The following ZMYND15 variants were observed in gnomAD, a reference collection of about 807,000 sequenced individuals.
ZMYND15 encodes the protein zinc finger MYND domain-containing protein 15.
Under a neutral mutation model 81.7 loss-of-function variants are expected in ZMYND15, and 54 were observed. The observed-to-expected ratio is 0.66, with a 90% confidence interval of 0.53 to 0.83. The LOEUF (loss-of-function observed/expected upper bound fraction) is 0.83, where lower values mean the gene tolerates loss of function less well. Ranked by LOEUF, ZMYND15 falls within the 40% of genes least tolerant of loss-of-function variation. The probability of loss-of-function intolerance (pLI) is 0.00; values close to 1 mark genes in which losing one functional copy is unlikely to be tolerated. For synonymous variants in ZMYND15, 399 were observed against 387.0 expected (o/e 1.03, Z -0.36); for missense variants, 925 against 973.5 (o/e 0.95, Z 0.66).
At chr17:4,740,330 G>T (rs1461868739) in intron 1 of ZMYND15, 189 bp from the exon 2 acceptor site, 5 of 1,072,380 alleles carry the variant, frequency 4.7e-6, no homozygotes, top group Admixed American at 7.3e-5. Flanking sequence ...CCACTTTCAA[G>T]TCCAGCCCCC....
At position 4,740,563 on chromosome 17, in the gene ZMYND15, T is replaced by C; in HGVS notation, c.15T>C (p.Ser5=). The part of the protein sequence containing the change: MEFV[S]GYRDEFLDFT... ...CCGCTGAAGACATGGAGTTTGTGTC[T>C]GGATACCGGGATGAGTTCCTTGATT... The change falls in exon 2 of 14, where the codon TCT becomes TCC. Residue 5 remains serine, a synonymous_variant. Transcript: ENST00000433935. The C allele has an allele frequency of 6.3e-7, 1 of 1,599,970 alleles. No individual in the cohort carries two copies. Among genetic ancestry groups the C allele is most frequent in the Non-Finnish European group, 8.5e-7 (1 of 1,170,690 alleles).
At position 4,743,785 on chromosome 17, in the gene ZMYND15, T is replaced by C; in HGVS notation, c.1316T>C (p.Leu439Pro). ...CTCTCAGGAGACCCCTACCAGCTTC[T>C]CCAGGGAGACGGGACTGCCCTGATG... Reference protein sequence around the residue: ...LLRGGDPYQLLQGDGTALMPP... With the variant: ...LLRGGDPYQLPQGDGTALMPP... The change falls in exon 7 of 14, where the codon CTC becomes CCC. Residue 439 changes from leucine (L) to proline (P), a missense_variant. Leu to Pro is a moderately conservative substitution (Grantham distance 98). Transcript: ENST00000433935. This position sits in a 1 kb window ranked among gnomAD's most constrained non-coding sequence, Gnocchi z 4.3. 6.2e-7 allele frequency: 1 copy of C among 1,613,898 alleles called. No homozygotes were observed.
chr17:4,741,842 G>A, intron 3 of ZMYND15, 26 bp downstream of exon 3: 8 of 1,581,434 alleles, frequency 5.1e-6, no homozygotes, highest in Non-Finnish European at 6.9e-6. Context: ...ATCTGAGGCT[G>A]GGGAGGACTC....
intron 1 of ZMYND15, 171 bp from the exon 2 acceptor site, chr17:4,740,348 T>A: frequency 8.5e-7 from 1 of 1,177,974 alleles, no homozygotes; most frequent in Non-Finnish European, 1.1e-6. Flanking sequence ...CCCATTTTCC[T>A]CCCTAAACTC....
At position 4,744,977 on chromosome 17, in the gene ZMYND15, C is replaced by T. The variant is rs781674424; in HGVS notation, c.1896+49C>T. 6.2e-7 allele frequency: 1 copy of T among 1,609,962 alleles called. No individual in the cohort carries two copies. Among genetic ancestry groups the T allele is most frequent in the African/African-American group, 1.3e-5 (1 of 74,832 alleles). ...ACTTCTCTCCCCTCCTGCCTGGCCC[C>T]TCCCCATCTCCTTTTCTGAAAGTCT... is the stretch of plus-strand genomic sequence containing the variant. On this transcript the variant is annotated intron_variant, in intron 12 of 13. Coordinates refer to ENST00000433935, the MANE Select transcript of ZMYND15 (RefSeq NM_001136046.3). This position sits in a 1 kb window ranked among gnomAD's most constrained non-coding sequence, Gnocchi z 4.1.
Position 4,741,833 on chromosome 17 carries a change from T to C in ZMYND15, c.827+17T>C. Reference sequence around the variant, plus strand: ...GCTGCATCGGTATAGAAATCTGGTATCTGAGGCTGGGGAGGACTCGGGCCC... The same window carrying C: ...GCTGCATCGGTATAGAAATCTGGTACCTGAGGCTGGGGAGGACTCGGGCCC... On this transcript the variant is annotated intron_variant, in intron 3 of 13. Coordinates refer to ENST00000433935, the MANE Select transcript of ZMYND15 (RefSeq NM_001136046.3). 1 of 1,576,932 alleles carries C rather than the reference T, an allele frequency of 6.3e-7. No homozygotes were observed. Among genetic ancestry groups the C allele is most frequent in the East Asian group, 2.2e-5 (1 of 44,458 alleles).
At position 4,743,221 on chromosome 17, in the gene ZMYND15, A is replaced by T; in HGVS notation, c.1145-82A>T. 7.1e-7 allele frequency: 1 copy of T among 1,410,650 alleles called. No homozygotes were observed. The highest frequency in any genetic ancestry group is 9.6e-7 in the Non-Finnish European group (1 of 1,045,248). The allele number at this position is 1,410,650 out of a possible 1,614,324, so 87.4% of individuals were successfully genotyped here. On this transcript the variant is annotated intron_variant, in intron 5 of 13. Coordinates refer to ENST00000433935, the MANE Select transcript of ZMYND15 (RefSeq NM_001136046.3). The surrounding 1 kb of genome is among the most constrained non-coding windows in gnomAD (Gnocchi z 4.3). ...GCCACTGCACTCTAGCTTGGGTGATAGAGCAAGACTCTGTCTCAAAAAAAA... is the reference window on the plus strand; with the variant it reads ...GCCACTGCACTCTAGCTTGGGTGATTGAGCAAGACTCTGTCTCAAAAAAAA...
chr17:4,741,767 G>A lies in ZMYND15; in HGVS notation c.778G>A (p.Asp260Asn). ...CATGGCCTGTCCCATGGGCTCTGGG[G>A]ATCCCCGAAAGCCCCGACAGCTTAC... Reference protein sequence around the residue: ...HSMACPMGSGDPRKPRQLTVG... With the variant: ...HSMACPMGSGNPRKPRQLTVG... Residue 260 changes from aspartate to asparagine, a missense_variant, in exon 3 of 14, where the codon GAT becomes AAT. Physicochemically the swap from Asp to Asn is conservative, Grantham distance 23. Coordinates refer to ENST00000433935, the MANE Select transcript of ZMYND15 (RefSeq NM_001136046.3). 6.3e-6 allele frequency: 10 copies of A among 1,587,910 alleles called. No homozygotes were observed. Among genetic ancestry groups the A allele is most frequent in the Non-Finnish European group, 8.6e-6 (10 of 1,165,128 alleles).
intron 4 of ZMYND15, 63 bp from the exon 5 acceptor site, chr17:4,742,268 T>G: frequency 4.4e-6 from 7 of 1,590,358 alleles, no homozygotes; most frequent in African/African-American, 1.3e-5. Context: ...TGCTGGGCAG[T>G]TGAACAGCAG....
chr17:4,745,145 G>A lies in ZMYND15; in HGVS notation c.1897-70G>A. The A allele has an allele frequency of 1.2e-6, 2 of 1,610,668 alleles. No homozygotes were observed. Among genetic ancestry groups the A allele is most frequent in the East Asian group, 2.2e-5 (1 of 44,852 alleles). On this transcript the variant is annotated intron_variant, in intron 12 of 13. Coordinates refer to ENST00000433935, the MANE Select transcript of ZMYND15 (RefSeq NM_001136046.3). The surrounding 1 kb of genome is among the most constrained non-coding windows in gnomAD (Gnocchi z 5.2). ...GTCCGGGGACCTCGGCTTTCAGCCC[G>A]GTCTGTCATTCTGGCTGCTGGGATG...
rs767235009 is a variant in ZMYND15, at chr17:4,743,742, G to A, written c.1298-25G>A. ...CAGGTGGGGGTCTCCCTGACCCCAG[G>A]CCCCTCCTTCTTTCATCCTCTCAGG... On this transcript the variant is annotated intron_variant, in intron 6 of 13. Transcript: ENST00000433935. This position sits in a 1 kb window ranked among gnomAD's most constrained non-coding sequence, Gnocchi z 4.3. 1.9e-6 allele frequency: 3 copies of A among 1,606,642 alleles called. No homozygotes were observed. The highest frequency in any genetic ancestry group is 2.6e-6 in the Non-Finnish European group (3 of 1,175,956).
rs749983838 is a variant in ZMYND15 at position 4,744,881 on chromosome 17, G to A, written c.1849G>A (p.Gly617Arg). 8.7e-6 allele frequency: 14 copies of A among 1,614,118 alleles called. No individual in the cohort carries two copies. Among genetic ancestry groups the A allele is most frequent in the Admixed American group, 5.0e-5 (3 of 60,012 alleles). The part of the protein sequence containing the change: ...KPDLVIGFNS[G>R]FALKDTWLRS... ...CTCTCTGTCTGCAGGATTTAACTCC[G>A]GGTTTGCTCTCAAGGATACGTGGCT... is the stretch of plus-strand genomic sequence containing the variant. The change falls in exon 12 of 14, where the codon GGG becomes AGG. Residue 617 changes from glycine to arginine, a missense_variant. By Grantham distance (125) the Gly-to-Arg change is moderately radical. Coordinates refer to ENST00000433935, the MANE Select transcript of ZMYND15 (RefSeq NM_001136046.3). This position sits in a 1 kb window ranked among gnomAD's most constrained non-coding sequence, Gnocchi z 4.1.
rs776153674 is a variant in ZMYND15 at position 4,743,502 on chromosome 17, G to C, written c.1297+47G>C. ...ATGGGCCCCTTGGCCTAGAGGGAAG[G>C]ACTGGGAAGAAGTTGTCTGGGTCCC... On this transcript the variant is annotated intron_variant, in intron 6 of 13. Coordinates refer to ENST00000433935, the MANE Select transcript of ZMYND15 (RefSeq NM_001136046.3). The surrounding 1 kb of genome is among the most constrained non-coding windows in gnomAD (Gnocchi z 4.3). 6.2e-7 allele frequency: 1 copy of C among 1,605,504 alleles called. No homozygotes were observed. Among genetic ancestry groups the C allele is most frequent in the Non-Finnish European group, 8.5e-7 (1 of 1,177,016 alleles).
Position 4,743,977 on chromosome 17 carries a change from C to A in ZMYND15, c.1379-14C>A. ...GGTCCAGGGCCAGGTCCTCTAGCAACCCTCTCCTGCCAGGCTCATGGCAGG... is the reference window on the plus strand; with the variant it reads ...GGTCCAGGGCCAGGTCCTCTAGCAAACCTCTCCTGCCAGGCTCATGGCAGG... On this transcript the variant is annotated splice_polypyrimidine_tract_variant and intron_variant, in intron 7 of 13. Coordinates refer to ENST00000433935, the MANE Select transcript of ZMYND15 (RefSeq NM_001136046.3). The surrounding 1 kb of genome is among the most constrained non-coding windows in gnomAD (Gnocchi z 4.3). 6.4e-7 allele frequency: 1 copy of A among 1,554,414 alleles called. No individual in the cohort carries two copies. Among genetic ancestry groups the A allele is most frequent in the Non-Finnish European group, 8.7e-7 (1 of 1,147,924 alleles).
rs200561282 is a variant in ZMYND15 at position 4,743,436 on chromosome 17, C to G, written c.1278C>G (p.Ser426=). Residue 426 remains serine, a synonymous_variant, in exon 6 of 14, where the codon TCC becomes TCG. Transcript: ENST00000433935. This position sits in a 1 kb window ranked among gnomAD's most constrained non-coding sequence, Gnocchi z 4.3. ...FSRHPRGNTP[S]LSLLRGGDPY... ...GACACCCCCGAGGCAACACGCCATC[C>G]CTCAGCCTTCTTCGCGGTGGTGCGT... is the stretch of plus-strand genomic sequence containing the variant. 1 of 1,614,140 alleles carries G rather than the reference C, an allele frequency of 6.2e-7. No homozygotes were observed. The highest frequency in any genetic ancestry group is 1.3e-5 in the African/African-American group (1 of 75,032).
At chr17:4,742,561 T>G in intron 5 of ZMYND15, 70 bp downstream of exon 5, 1 of 1,574,756 alleles carries the variant, frequency 6.4e-7, no homozygotes, top group Non-Finnish European at 8.7e-7. Context: ...ATTAGATGTC[T>G]GGGAACAGGG....
At position 4,745,202 on chromosome 17, in the gene ZMYND15, C is replaced by T. The variant is rs1367880366; in HGVS notation, c.1897-13C>T. On this transcript the variant is annotated splice_polypyrimidine_tract_variant and intron_variant, in intron 12 of 13. Coordinates refer to ENST00000433935, the MANE Select transcript of ZMYND15 (RefSeq NM_001136046.3). This position sits in a 1 kb window ranked among gnomAD's most constrained non-coding sequence, Gnocchi z 5.2. ...GGGAGGGGCCTCTCAGAGCGACTCT[C>T]GCTCCACCCCAGTCCCTCCGAGTGC... 3 of 1,613,886 alleles carry T rather than the reference C, an allele frequency of 1.9e-6. No homozygotes were observed. The highest frequency in any genetic ancestry group is 1.7e-5 in the Admixed American group (1 of 59,986).
intron 4 of ZMYND15, 67 bp downstream of exon 4, chr17:4,742,137 G>T: frequency 6.3e-7 from 1 of 1,595,762 alleles, no homozygotes; most frequent in Non-Finnish European, 8.6e-7. Context: ...GCAGGGTGGT[G>T]GGGGGCGCCT....
Position 4,744,114 on chromosome 17 carries a change from A to C in ZMYND15, c.1495+7A>C. The stretch of plus-strand genomic sequence containing the variant: ...CACCTGGTGCCCCAGTCCTGTAAGG[A>C]GAGCGGAGTGGGGGGTGGAGCAGGA... On this transcript the variant is annotated splice_region_variant and intron_variant, in intron 8 of 13. Transcript: ENST00000433935. This position sits in a 1 kb window ranked among gnomAD's most constrained non-coding sequence, Gnocchi z 4.1. 1 of 1,605,262 alleles carries C rather than the reference A, an allele frequency of 6.2e-7. No homozygotes were observed.
Sources: allele counts gnomAD v4.1 joint callset, GRCh38; gene constraint gnomAD v4.1.1; non-coding constraint Gnocchi (gnomAD v3.1); transcripts MANE v1.5; gene names NCBI Gene and HGNC (gene_info 2026-07-23, HGNC 2026-07-21).